LPO: variants seen among roughly 807,000 people sequenced by gnomAD.
LPO encodes the protein salivary peroxidase.
LPO carries 70 observed loss-of-function variants against 68.4 expected under a neutral mutation model. That is an observed-to-expected ratio of 1.02 (90% CI 0.84 to 1.25). The LOEUF is 1.25. LPO is among the 50% of genes most tolerant of loss of function. The pLI is 0.00. For missense variants in LPO, 873 were observed against 908.4 expected, an observed-to-expected ratio of 0.96 and a Z score of 0.50; for synonymous variants, 360 against 357.6, an observed-to-expected ratio of 1.01 and a Z score of -0.08.
At position 58,267,799 on chromosome 17, in the gene LPO, A is replaced by G; in HGVS notation, c.1944A>G (p.Glu648=). The change falls in exon 13 of 13, where the codon GAA becomes GAG. Residue 648 remains glutamate (E), a synonymous_variant. Transcript: ENST00000262290. ...QIRDGDRFWW[E]NPGVFTNEQK... ...TCTGTCTCTGCAGGTTCTGGTGGGAAAACCCTGGGGTCTTCACGAACGAGC... is the reference window on the plus strand; with the variant it reads ...TCTGTCTCTGCAGGTTCTGGTGGGAGAACCCTGGGGTCTTCACGAACGAGC... 1 of 1,614,072 alleles carries G rather than the reference A, an allele frequency of 6.2e-7. No homozygotes were observed. Among genetic ancestry groups the G allele is most frequent in the Non-Finnish European group, 8.5e-7 (1 of 1,179,992 alleles).
chr17:58,245,571 C>G (rs200947118), intron 3 of LPO, among the ~76,000 whole-genome samples: 2 of 152,144 alleles, frequency 1.3e-5, no homozygotes, highest in East Asian at 3.9e-4. Context: ...GCAGCTTCGC[C>G]CTACTGTTGA....
intron 7 of LPO, 103 bp from the exon 8 acceptor site, chr17:58,252,079 G>A: frequency 9.9e-7 from 1 of 1,010,384 alleles, no homozygotes; most frequent in Admixed American, 1.8e-5. Context: ...GGTCCTAGGA[G>A]GGTGCCATCA....
intron 3 of LPO, 113 bp downstream of exon 3, chr17:58,244,194 A>C: frequency 1.2e-6 from 1 of 809,760 alleles, no homozygotes; most frequent in Non-Finnish European, 2.0e-6. Context: ...TGAGCCAATG[A>C]GGTGAACAAT....
chr17:58,249,118 C>A lies in LPO; in HGVS notation c.384C>A (p.Pro128=). ...SLEVGCGAPA[P]VVRCDPCSPY... is the part of the protein sequence containing the mutation. Reference sequence around the variant, plus strand: ...AGGTGGGCTGTGGTGCTCCTGCTCCCGTGGTGAGATGCGACCCGTGCAGCC... The same window carrying A: ...AGGTGGGCTGTGGTGCTCCTGCTCCAGTGGTGAGATGCGACCCGTGCAGCC... The change falls in exon 5 of 13, where the codon CCC becomes CCA. Residue 128 remains proline (P), a synonymous_variant. Transcript: ENST00000262290. 6.2e-7 allele frequency: 1 copy of A among 1,614,162 alleles called. No homozygotes were observed. Among genetic ancestry groups the A allele is most frequent in the Non-Finnish European group, 8.5e-7 (1 of 1,180,032 alleles).
At chr17:58,261,196 C>T (rs142906485) in intron 9 of LPO, among the ~76,000 whole-genome samples, 4 of 152,254 alleles carry the variant, frequency 2.6e-5, no homozygotes, top group Non-Finnish European at 5.9e-5. Flanking sequence ...TAGTAATTCT[C>T]CCACTTACTG....
Position 58,249,569 on chromosome 17 carries a change from G to C in LPO, c.447G>C (p.Arg149Ser). The stretch of plus-strand genomic sequence containing the variant: ...GCGAGGATCGTGCTGGTTTCAGGAG[G>C]AAGCCTGCGCTGGGCGCCGCCAACA... ...RTITGDCNNR[R>S]KPALGAANRA... Residue 149 changes from arginine to serine, a missense_variant, in exon 6 of 13, where the codon AGG becomes AGC. By Grantham distance (110) the Arg-to-Ser change is moderately radical. Coordinates refer to ENST00000262290, the MANE Select transcript of LPO (RefSeq NM_006151.3). The C allele has an allele frequency of 2.5e-6, 4 of 1,604,038 alleles. No homozygotes were observed. The highest frequency in any genetic ancestry group is 3.4e-6 in the Non-Finnish European group (4 of 1,179,298).
chr17:58,257,514 G>GTATCACATT (rs1970094783), intron 9 of LPO, among the ~76,000 whole-genome samples: 3 of 152,158 alleles, frequency 2.0e-5, no homozygotes, highest in African/African-American at 7.2e-5. Flanking sequence ...TTGTGTATAT[G>GTATCACATT]TATCACATTT....
Position 58,252,473 on chromosome 17 carries a change from A to T in LPO, c.1072A>T (p.Asn358Tyr), listed in dbSNP as rs1471184878. Reference sequence around the variant, plus strand: ...GAAGCCAAGCCCCTGTGAGTTCATCAACACCACTGCCCGTGTGCCCTGCTT... The same window carrying T: ...GAAGCCAAGCCCCTGTGAGTTCATCTACACCACTGCCCGTGTGCCCTGCTT... Reference protein sequence around the residue: ...SKKPSPCEFINTTARVPCFLA... With the variant: ...SKKPSPCEFIYTTARVPCFLA... Residue 358 changes from asparagine (N) to tyrosine (Y), a missense_variant, in exon 8 of 13, where the codon AAC (asparagine) becomes TAC (tyrosine). Asn to Tyr is a moderately radical substitution (Grantham distance 143, BLOSUM62 -2). Transcript: ENST00000262290. 6.2e-7 allele frequency: 1 copy of T among 1,613,448 alleles called. No individual in the cohort carries two copies. Among genetic ancestry groups the T allele is most frequent in the Non-Finnish European group, 8.5e-7 (1 of 1,179,746 alleles).
Position 58,265,018 on chromosome 17 carries a change from C to T in LPO, c.1519+44C>T, listed in dbSNP as rs8178399. 3.1e-4 allele frequency: 494 copies of T among 1,606,762 alleles called. 9 individuals are homozygous for T. In the South Asian group the frequency reaches 4.0e-3, roughly 13 times the overall value. On this transcript the variant is annotated intron_variant, in intron 10 of 12. Transcript: ENST00000262290. ...GTGCTGTCACCTGGGTCTCCCACTC[C>T]GCAGCCTATTGTAGGGAAACTTGGG...
At chr17:58,267,187 G>T (rs866053283) in intron 11 of LPO, among the ~76,000 whole-genome samples, 162 bp from the exon 12 acceptor site, 18 of 152,180 alleles carry the variant, frequency 1.2e-4, no homozygotes, top group African/African-American at 4.3e-4. Context: ...GCCCCCTTAA[G>T]ATTGAAGTGC....
chr17:58,267,612 G>C (rs1567824774), intron 12 of LPO, 26 bp downstream of exon 12: 18 of 1,580,616 alleles, frequency 1.1e-5, no homozygotes, highest in Non-Finnish European at 1.5e-5. Context: ...GCCAGGGAGG[G>C]AAGGGCAGGG....
chr17:58,247,473 T>G lies in LPO; in HGVS notation c.165-5T>G, dbSNP rs1490976987. On this transcript the variant is annotated splice_polypyrimidine_tract_variant and splice_region_variant and intron_variant, in intron 3 of 12. Transcript: ENST00000262290. The stretch of plus-strand genomic sequence containing the variant: ...GGCCATGATCCCCATCTCCCTCCAC[T>G]GTAGGCTGAAGACCGCCATGAGCTC... The G allele has an allele frequency of 1.3e-6, 2 of 1,503,864 alleles. No homozygotes were observed. Among genetic ancestry groups the G allele is most frequent in the Non-Finnish European group, 1.8e-6 (2 of 1,110,416 alleles). 93.2% of individuals were successfully genotyped at this position (1,503,864 alleles called of 1,614,324 possible).
chr17:58,266,504 A>G (rs1379088762), intron 11 of LPO, among the ~76,000 whole-genome samples, 178 bp downstream of exon 11: 1 of 151,966 alleles, frequency 6.6e-6, no homozygotes, highest in Non-Finnish European at 1.5e-5. Flanking sequence ...TCTGTTGCCC[A>G]GGCTAGAGTA....
chr17:58,250,590 G>A lies in LPO; in HGVS notation c.749G>A (p.Cys250Tyr). 3.1e-6 allele frequency: 5 copies of A among 1,614,104 alleles called. No individual in the cohort carries two copies. Among genetic ancestry groups the A allele is most frequent in the Non-Finnish European group, 4.2e-6 (5 of 1,180,026 alleles). The change falls in exon 7 of 13, where the codon TGT (cysteine) becomes TAT (tyrosine). Residue 250 changes from cysteine to tyrosine, a missense_variant. Transcript: ENST00000262290. ...TCCAAAGCCCAGTGTGATGAGTACT[G>A]TATCCAGGGAGACAACTGCTTCCCC... The part of the protein sequence containing the change: ...EYSKAQCDEY[C>Y]IQGDNCFPIM...
At chr17:58,267,277 T>G (rs1169217930) in intron 11 of LPO, 72 bp from the exon 12 acceptor site, 6 of 1,163,606 alleles carry the variant, frequency 5.2e-6, no homozygotes, top group Non-Finnish European at 7.6e-6. Context: ...AGAGCTGGAG[T>G]GGACATGGCC....
rs1051878233 is a variant in LPO at position 58,267,669 on chromosome 17, C to G, written c.1931+83C>G. On this transcript the variant is annotated intron_variant, in intron 12 of 12. Coordinates refer to ENST00000262290, the MANE Select transcript of LPO (RefSeq NM_006151.3). Reference sequence around the variant, plus strand: ...CCAAGGTCCTGCGTGAGCGCTGACTCCGGATCTCAGTGTGAGTAGGGCTTT... The same window carrying G: ...CCAAGGTCCTGCGTGAGCGCTGACTGCGGATCTCAGTGTGAGTAGGGCTTT... The G allele has an allele frequency of 8.2e-6, 12 of 1,467,918 alleles. No homozygotes were observed. In the Admixed American group the frequency reaches 2.2e-4, roughly 27 times the overall value. 90.9% of individuals were successfully genotyped at this position (1,467,918 alleles called of 1,614,324 possible).
At chr17:58,262,371 C>T (rs1000409772) in intron 9 of LPO, among the ~76,000 whole-genome samples, 1 of 151,996 alleles carries the variant, frequency 6.6e-6, no homozygotes, top group Non-Finnish European at 1.5e-5. Flanking sequence ...AGAGCTTCAC[C>T]GATATTTTGT....
Position 58,267,446 on chromosome 17 carries a change from A to G in LPO, c.1791A>G (p.Leu597=). Residue 597 remains leucine (L), a synonymous_variant, in exon 12 of 13, where the codon TTA becomes TTG. Coordinates refer to ENST00000262290, the MANE Select transcript of LPO (RefSeq NM_006151.3). The part of the protein sequence containing the change: ...VLKSKMLAKK[L]LGLYGTPDNI... ...AGAGCAAGATGCTGGCCAAGAAGTT[A>G]CTGGGTCTCTACGGGACCCCTGACA... The G allele has an allele frequency of 3.1e-6, 5 of 1,614,232 alleles. No homozygotes were observed. The highest frequency in any genetic ancestry group is 4.2e-6 in the Non-Finnish European group (5 of 1,180,030).
chr17:58,239,983 G>A (rs1253166145), intron 1 of LPO, among the ~76,000 whole-genome samples: 3 of 152,124 alleles, frequency 2.0e-5, no homozygotes, highest in Non-Finnish European at 4.4e-5. Context: ...GACATGCTTA[G>A]GTCCTGGGAA....
Sources: allele counts gnomAD v4.1 joint callset (sites outside exome capture counted in the v4.1 genomes callset), GRCh38; gene constraint gnomAD v4.1.1; transcripts MANE v1.5; gene names NCBI Gene and HGNC (gene_info 2026-07-23, HGNC 2026-07-21).